ZFAT: variants seen among roughly 807,000 people sequenced by gnomAD.
ZFAT encodes zinc finger and AT-hook domain containing.
Under a neutral mutation model 117.7 loss-of-function variants are expected in ZFAT, and 64 were observed. The ratio of observed to expected loss-of-function variants is 0.54; its 90% CI spans 0.44 to 0.67. The LOEUF is 0.67. Among genes scored for constraint, ZFAT ranks in the 30% least tolerant of loss-of-function variants. The probability of loss-of-function intolerance (pLI) is 0.00; values close to 1 mark genes in which losing one functional copy is unlikely to be tolerated. For missense variants in ZFAT, 1,433 were observed against 1,584.5 expected (o/e 0.90, Z 1.62); for synonymous variants, 679 against 615.0 (o/e 1.10, Z -1.54).
At chr8:134,830,986 G>A in the ZFAT span, among the ~76,000 whole-genome samples, 1 of 152,176 alleles carries the variant, frequency 6.6e-6, no homozygotes, top group Non-Finnish European at 1.5e-5. Context: ...AATCAGCACA[G>A]GACTGTCTCG....
chr8:134,505,352 TC>T (rs1468647783), intron 15 of ZFAT, among the ~76,000 whole-genome samples: 3 of 152,180 alleles, frequency 2.0e-5, no homozygotes, highest in Non-Finnish European at 4.4e-5. Context: ...GCAGGAACAA[TC>T]TTAATTCTGT....
chr8:134,675,737 C>T lies in ZFAT; in HGVS notation c.20-18000G>A, dbSNP rs948453381. On this transcript the variant is annotated intron_variant, in intron 1 of 15. Transcript: ENST00000377838. ...AAAGGGAAGCCCATCTGACTAACAGCGGATCTCTCGGCAGAAACCCTACAA... is the reference window on the plus strand; with the variant it reads ...AAAGGGAAGCCCATCTGACTAACAGTGGATCTCTCGGCAGAAACCCTACAA... Among the ~76,000 whole-genome samples the T allele has an allele frequency of 1.4e-4, 21 of 152,250 alleles. No homozygotes were observed. In the East Asian group the frequency reaches 3.9e-3, roughly 28 times the overall value.
chr8:134,580,095 G>A (rs79159496), intron 10 of ZFAT, among the ~76,000 whole-genome samples: 2,419 of 152,172 alleles, frequency 0.016, 22 homozygotes, highest in Non-Finnish European at 0.023. Context: ...GGCAAACATG[G>A]GGTGCACTTC....
chr8:134,532,849 C>A lies in ZFAT; in HGVS notation c.3100G>T (p.Val1034Leu). The A allele has an allele frequency of 2.5e-6, 4 of 1,610,102 alleles. No individual in the cohort carries two copies. In the African/African-American group the frequency reaches 4.0e-5, roughly 16 times the overall value. Reference protein sequence around the residue: ...NVGTGELAAEVLIQQGGLKCP... With the variant: ...NVGTGELAAELLIQQGGLKCP... ...CCTCGCCTACCTTGCTGGATGAGCA[C>A]CTCCGCTGCCAGCTCCCCGGTGCCC... Residue 1034 changes from valine to leucine, a missense_variant, in exon 12 of 16, where the codon GTG becomes TTG. Coordinates refer to ENST00000377838, the MANE Select transcript of ZFAT (RefSeq NM_020863.4).
rs571278480 is a variant in ZFAT, at chr8:134,587,641, G to T, written c.2713+605C>A. Among the ~76,000 whole-genome samples the T allele has an allele frequency of 4.6e-5, 7 of 152,208 alleles. No individual in the cohort carries two copies. The East Asian group carries it at 1.4e-3, about 29-fold the overall frequency. On this transcript the variant is annotated intron_variant, in intron 9 of 15. Transcript: ENST00000377838. Reference sequence around the variant, plus strand: ...TCCAGGGGGAGAAAACAAAGTTGACGGTCTGTTGCCCTAGTAGAATCTTCA... The same window carrying T: ...TCCAGGGGGAGAAAACAAAGTTGACTGTCTGTTGCCCTAGTAGAATCTTCA...
At chr8:134,607,901 A>C (rs1828015390) in intron 5 of ZFAT, among the ~76,000 whole-genome samples, 1 of 152,210 alleles carries the variant, frequency 6.6e-6, no homozygotes, top group African/African-American at 2.4e-5. Flanking sequence ...TATCTGGAGG[A>C]CAGTTTTTAA....
intron 1 of ZFAT, chr8:134,674,993 T>A (rs569389950): frequency 1.3e-5 from 2 of 152,330 alleles, no homozygotes; most frequent in Non-Finnish European, 2.9e-5. Context: ...TCAACGAAGA[T>A]GTGGAGAAAC....
chr8:134,490,223 A>T (rs1424949609), intron 15 of ZFAT, among the ~76,000 whole-genome samples: 1 of 152,246 alleles, frequency 6.6e-6, no homozygotes, highest in African/African-American at 2.4e-5. Flanking sequence ...AACATGTTAA[A>T]GAGATCCAGG....
chr8:134,822,047 C>T, the ZFAT span, among the ~76,000 whole-genome samples: 21 of 152,026 alleles, frequency 1.4e-4, 1 homozygote, highest in Middle Eastern at 3.4e-3. Context: ...TAGAGAAAAC[C>T]GGTTTAATCA....
At chr8:134,618,730 T>C (rs908753029) in intron 3 of ZFAT, among the ~76,000 whole-genome samples, 1 of 152,234 alleles carries the variant, frequency 6.6e-6, no homozygotes, top group African/African-American at 2.4e-5. Flanking sequence ...TCAAACAAAA[T>C]ATCATTTCTG....
the ZFAT span, among the ~76,000 whole-genome samples, chr8:134,780,966 G>A: frequency 2.0e-5 from 3 of 152,090 alleles, no homozygotes; most frequent in African/African-American, 7.2e-5. Flanking sequence ...CAGGGTACTA[G>A]TAATACTTTT....
the ZFAT span, among the ~76,000 whole-genome samples, chr8:134,786,840 C>CTT: frequency 2.0e-4 from 27 of 137,078 alleles, 1 homozygote; most frequent in South Asian, 1.2e-3. Flanking sequence ...TGATATCAAG[C>CTT]TTTTTTTTTT....
chr8:134,767,719 C>T, the ZFAT span, among the ~76,000 whole-genome samples: 1 of 152,148 alleles, frequency 6.6e-6, no homozygotes, highest in Non-Finnish European at 1.5e-5. Context: ...AAGTGTATTT[C>T]TCACTTTTTT....
chr8:134,821,609 A>C, the ZFAT span, among the ~76,000 whole-genome samples: 1 of 152,176 alleles, frequency 6.6e-6, no homozygotes, highest in South Asian at 2.1e-4. Flanking sequence ...GAAGTAGAAC[A>C]GTCATTTTCA....
chr8:134,584,380 C>T (rs1164989319), intron 9 of ZFAT, among the ~76,000 whole-genome samples: 1 of 152,218 alleles, frequency 6.6e-6, no homozygotes, highest in Non-Finnish European at 1.5e-5. Flanking sequence ...TATCTGCCCT[C>T]TCCCCACAGT....
chr8:134,676,255 C>CAAAAAAAAAAAAAAAAAAAA (rs146638821), intron 1 of ZFAT, among the ~76,000 whole-genome samples: 1 of 80,596 alleles, frequency 1.2e-5, no homozygotes, highest in African/African-American at 5.0e-5. Context: ...AAATGGAAAG[C>CAAAAAAAAAAAAAAAAAAAA]AAAAAAAAAA....
the ZFAT span, among the ~76,000 whole-genome samples, chr8:134,759,279 A>T: frequency 2.6e-5 from 4 of 152,154 alleles, no homozygotes; most frequent in Admixed American, 2.0e-4. Flanking sequence ...AGCAAGAGGG[A>T]CTCAGAAATC....
At chr8:134,498,273 G>A (rs374692938) in intron 15 of ZFAT, among the ~76,000 whole-genome samples, 101 of 146,000 alleles carry the variant, frequency 6.9e-4, no homozygotes, top group Admixed American at 5.1e-3. Flanking sequence ...GGGTGGAGCC[G>A]TGATGCCCCT....
At chr8:134,564,192 C>CAAAA (rs55811622) in intron 11 of ZFAT, among the ~76,000 whole-genome samples, 5 of 57,482 alleles carry the variant, frequency 8.7e-5, no homozygotes, top group Admixed American at 1.7e-4. Context: ...GACTCCTTCT[C>CAAAA]AAAAAAAAAA....
Sources: allele counts gnomAD v4.1 joint callset (sites outside exome capture counted in the v4.1 genomes callset), GRCh38; gene constraint gnomAD v4.1.1; transcripts MANE v1.5; gene names NCBI Gene and HGNC (gene_info 2026-07-23, HGNC 2026-07-21).